Variants in PTPA observed in about 807,000 individuals in gnomAD.
PTPA encodes the protein serine/threonine-protein phosphatase 2A activator.
Under a neutral mutation model 43.6 loss-of-function variants are expected in PTPA, and 13 were observed. The observed-to-expected ratio is 0.30, with a 90% confidence interval of 0.19 to 0.47. The LOEUF (loss-of-function observed/expected upper bound fraction) is 0.47. PTPA is among the 20% of genes least tolerant of loss of function. The probability of loss-of-function intolerance (pLI) is 0.99; values close to 1 mark genes in which losing one functional copy is unlikely to be tolerated. For synonymous variants in PTPA, 172 were observed against 158.2 expected (o/e 1.09, Z -0.66); for missense variants, 329 against 411.9 (o/e 0.80, Z 1.74).
At chr9:129,113,383 C>T (rs923378141) in intron 1 of PTPA, among the ~76,000 whole-genome samples, 2 of 150,886 alleles carry the variant, frequency 1.3e-5, no homozygotes, top group African/African-American at 4.9e-5. Context: ...AGCCACCGTG[C>T]CTGGCCTATG....
At chr9:129,117,299 G>T (rs375826271) in intron 1 of PTPA, among the ~76,000 whole-genome samples, 1 of 152,032 alleles carries the variant, frequency 6.6e-6, no homozygotes, top group African/African-American at 2.4e-5. Context: ...TGCCTGCCTC[G>T]GCCTCCCGAA....
At chr9:129,111,756 C>T in intron 1 of PTPA, 125 bp downstream of exon 1, 1 of 1,225,826 alleles carries the variant, frequency 8.2e-7, no homozygotes, top group African/African-American at 1.6e-5. Context: ...TGAGGGGCCC[C>T]GAGGAGGGAC....
intron 7 of PTPA, 66 bp downstream of exon 7, chr9:129,136,661 G>C (rs531763781): frequency 4.6e-5 from 69 of 1,498,232 alleles, no homozygotes; most frequent in Admixed American, 6.0e-5. Flanking sequence ...GCCCTCCCCT[G>C]CCCCTCCTGC....
intron 4 of PTPA, among the ~76,000 whole-genome samples, chr9:129,130,904 C>T (rs1849917891): frequency 6.6e-6 from 1 of 152,120 alleles, no homozygotes; most frequent in Admixed American, 6.5e-5. Context: ...TGATTTTTTT[C>T]CATGTTTCTG....
At chr9:129,133,923 C>T (rs545249192) in intron 5 of PTPA, among the ~76,000 whole-genome samples, 1 of 152,360 alleles carries the variant, frequency 6.6e-6, no homozygotes, top group East Asian at 1.9e-4. Context: ...TTGCTTCCCT[C>T]ACTCCCTTTG....
chr9:129,124,272 G>A (rs1255744168), intron 3 of PTPA, among the ~76,000 whole-genome samples: 1 of 152,062 alleles, frequency 6.6e-6, no homozygotes, highest in Non-Finnish European at 1.5e-5. Context: ...TTGAACTCCT[G>A]GGCTCAAGCA....
chr9:129,146,261 T>C (rs1173891349), intron 9 of PTPA, among the ~76,000 whole-genome samples: 1 of 152,166 alleles, frequency 6.6e-6, no homozygotes, highest in Non-Finnish European at 1.5e-5. Context: ...CCCAGGATCC[T>C]GGCTGTGGCC....
rs1407080417 is a variant in PTPA at position 129,131,626 on chromosome 9, T to C, written c.447T>C (p.Ile149=). ...AGTCAGTGGGGAACTCCACGCGCAT[T>C]GACTACGGCACAGGTATCTGCTGCT... is the stretch of plus-strand genomic sequence containing the variant. ...LKESVGNSTR[I]DYGTGHEAAF... The change falls in exon 5 of 10, where the codon ATT becomes ATC. Residue 149 remains isoleucine (I), a synonymous_variant. Transcript: ENST00000393370. 6.2e-7 allele frequency: 1 copy of C among 1,614,100 alleles called. No homozygotes were observed. The highest frequency in any genetic ancestry group is 1.1e-5 in the South Asian group (1 of 91,082).
In PTPA at chr9:129,147,545, C is replaced by A; in HGVS notation, c.*81C>A. ...CCCCAGCAGTGGCCCCTCCCCATCC[C>A]CTCCCTCTGTTCGTCCCGTTTGATG... On this transcript the variant is annotated 3_prime_UTR_variant, in exon 10 of 10. Coordinates refer to ENST00000393370, the MANE Select transcript of PTPA (RefSeq NM_178000.3). The A allele has an allele frequency of 7.1e-7, 1 of 1,416,594 alleles. No homozygotes were observed. The highest frequency in any genetic ancestry group is 9.8e-7 in the Non-Finnish European group (1 of 1,017,806). The allele number at this position is 1,416,594 out of a possible 1,614,324, so 87.8% of individuals were successfully genotyped here.
At chr9:129,142,198 A>G (rs909844792) in intron 8 of PTPA, 4 of 410,900 alleles carry the variant, frequency 9.7e-6, no homozygotes, top group East Asian at 3.6e-5. Flanking sequence ...AAGGAATGTT[A>G]TATTTTCCTA....
At position 129,142,590 on chromosome 9, in the gene PTPA, C is replaced by T. The variant is rs376771393; in HGVS notation, c.894+38C>T. The T allele has an allele frequency of 2.5e-5, 41 of 1,612,324 alleles. 1 individual carries two copies. The East Asian group carries it at 3.8e-4, about 15-fold the overall frequency. On this transcript the variant is annotated intron_variant, in intron 9 of 9. Transcript: ENST00000393370. ...TGGCCAGTGTGCCCGTCCCTGCTGC[C>T]GCACTTGGTCCTGGGCTGGGGACAA...
chr9:129,115,738 C>T (rs1848819793), intron 1 of PTPA, among the ~76,000 whole-genome samples: 1 of 151,712 alleles, frequency 6.6e-6, no homozygotes, highest in African/African-American at 2.4e-5. Flanking sequence ...CTCCTGGGTT[C>T]AAGTGATTCT....
intron 1 of PTPA, among the ~76,000 whole-genome samples, chr9:129,113,536 A>G (rs1166825902): frequency 2.7e-5 from 4 of 150,908 alleles, no homozygotes; most frequent in African/African-American, 9.7e-5. Flanking sequence ...TGGGAGGCCG[A>G]CACAGGCGGA....
intron 2 of PTPA, 141 bp from the exon 3 acceptor site, chr9:129,122,911 C>T: frequency 1.5e-6 from 1 of 650,152 alleles, no homozygotes; most frequent in South Asian, 1.7e-5. Flanking sequence ...GTTTCTGCTT[C>T]TCCTGCTATT....
rs1395696625 is a variant in PTPA, at chr9:129,147,777, A to G, written c.*313A>G. The G allele has an allele frequency of 1.4e-5, 5 of 360,428 alleles. No homozygotes were observed. The highest frequency in any genetic ancestry group is 2.7e-5 in the South Asian group (1 of 36,668). The allele number at this position is 360,428 out of a possible 1,614,324, so 22.3% of individuals were successfully genotyped here. A position where few individuals can be genotyped will look rare whatever the true frequency, so the allele number is the denominator to read the frequency against. On this transcript the variant is annotated 3_prime_UTR_variant, in exon 10 of 10. Transcript: ENST00000393370. ...GCCTCTTCTCCCTTCACTCCCGTCC[A>G]GTCTGGTTTTGAGAGCAGGGGCTGT... is the stretch of plus-strand genomic sequence containing the variant.
rs542409931 is a variant in PTPA at position 129,114,026 on chromosome 9, T to A, written c.31+2395T>A. Among the ~76,000 whole-genome samples the A allele has an allele frequency of 1.9e-4, 29 of 152,158 alleles. No homozygotes were observed. In the East Asian group the frequency reaches 4.1e-3, roughly 21 times the overall value. On this transcript the variant is annotated intron_variant, in intron 1 of 9. Transcript: ENST00000393370. Reference sequence around the variant, plus strand: ...CTTTTGGGAACAGCTGGAAAGAACTTCTTCTTTTTAGTTTTTTTTTGAGAC... The same window carrying A: ...CTTTTGGGAACAGCTGGAAAGAACTACTTCTTTTTAGTTTTTTTTTGAGAC...
intron 3 of PTPA, chr9:129,127,898 A>C: frequency 9.4e-7 from 1 of 1,063,050 alleles, no homozygotes; most frequent in Non-Finnish European, 1.3e-6. Flanking sequence ...ATTAATTATA[A>C]TGCAGTGGCA....
chr9:129,145,527 T>C (rs1343330323), intron 9 of PTPA, among the ~76,000 whole-genome samples: 2 of 152,130 alleles, frequency 1.3e-5, no homozygotes, highest in Non-Finnish European at 2.9e-5. Flanking sequence ...CTGCCAGTCT[T>C]GCAGTCCAGG....
At chr9:129,135,691 C>T (rs1332806197) in intron 6 of PTPA, among the ~76,000 whole-genome samples, 1 of 152,236 alleles carries the variant, frequency 6.6e-6, no homozygotes, top group Non-Finnish European at 1.5e-5. Context: ...TCTTAAAATC[C>T]CCATTGCGGG....
Sources: allele counts gnomAD v4.1 joint callset (sites outside exome capture counted in the v4.1 genomes callset), GRCh38; gene constraint gnomAD v4.1.1; transcripts MANE v1.5; gene names NCBI Gene and HGNC (gene_info 2026-07-23, HGNC 2026-07-21).